Variants in OBSL1 observed in about 807,000 individuals in gnomAD.
OBSL1 encodes obscurin-like protein 1.
OBSL1 carries 160 observed loss-of-function variants against 172.0 expected under a neutral mutation model. The ratio of observed to expected loss-of-function variants is 0.93; its 90% CI spans 0.82 to 1.06. The LOEUF is 1.06. Among genes scored for constraint, OBSL1 ranks in the 50% least tolerant of loss-of-function variants. The pLI is 0.00. For missense variants in OBSL1, 2,681 were observed against 2,715.4 expected (o/e 0.99, Z 0.28); for synonymous variants, 1,200 against 1,196.3 (o/e 1.00, Z -0.06).
intron 6 of OBSL1, among the ~76,000 whole-genome samples, 199 bp downstream of exon 6, chr2:219,565,043 G>A (rs1310993715): frequency 6.6e-6 from 1 of 152,146 alleles, no homozygotes; most frequent in Non-Finnish European, 1.5e-5. Context: ...CTCCAGCCAG[G>A]GCAACAGAGT....
At chr2:219,549,718 G>A (rs1323975909), downstream of OBSL1, 1 of 1,613,672 alleles carries the variant, frequency 6.2e-7, no homozygotes, top group Non-Finnish European at 8.5e-7. Context: ...CCCCCACAGA[G>A]CTATATCCAG....
At position 219,561,944 on chromosome 2, in the gene OBSL1, C is replaced by A. The variant is rs1210538573; in HGVS notation, c.2953+458G>T. The A allele has an allele frequency of 8.4e-6, 6 of 717,510 alleles. No homozygotes were observed. The Admixed American group carries it at 1.2e-4, about 14-fold the overall frequency. The allele number at this position is 717,510 out of a possible 1,614,324, so 44.4% of individuals were successfully genotyped here. The stretch of plus-strand genomic sequence containing the variant: ...AGCGGGACCAGAGCCGCCGGGTCTT[C>A]GGCTTTTTCAAGAGGACGCATAACT... On this transcript the variant is annotated intron_variant, in intron 8 of 20. Transcript: ENST00000404537.
At chr2:219,561,856 T>C (rs761350223) in intron 8 of OBSL1, 79 of 717,014 alleles carry the variant, frequency 1.1e-4, no homozygotes, top group Non-Finnish European at 1.8e-4. Flanking sequence ...GACAGAGGAA[T>C]GTGGGCCCCA....
Position 219,553,566 on chromosome 2 carries a change from G to T in OBSL1, c.4989+8C>A, listed in dbSNP as rs2106013192. ...CTGAAGTGGGCTTGGCTGGGGCTGG[G>T]ATCTGACCTTCTCCCAGGTAACATC... is the stretch of plus-strand genomic sequence containing the variant. On this transcript the variant is annotated splice_region_variant and intron_variant, in intron 16 of 20. Transcript: ENST00000404537. The T allele has an allele frequency of 1.2e-6, 2 of 1,607,336 alleles. No individual in the cohort carries two copies. The highest frequency in any genetic ancestry group is 2.2e-5 in the East Asian group (1 of 44,806).
rs61732788 is a variant in OBSL1, at chr2:219,568,092, C to T, written c.1245G>A (p.Arg415=). The T allele has an allele frequency of 8.4e-4, 1,358 of 1,612,544 alleles. 5 individuals carry two copies. The African/African-American group carries it at 0.01, about 12-fold the overall frequency. The change falls in exon 2 of 21, where the codon CGG becomes CGA. Residue 415 remains arginine, a synonymous_variant. Coordinates refer to ENST00000404537, the MANE Select transcript of OBSL1 (RefSeq NM_015311.3). The surrounding 1 kb of genome is among the most constrained non-coding windows in gnomAD (Gnocchi z 4.1). The part of the protein sequence containing the change: ...DDDGIYLCEM[R]GRVRTVANVT... ...CGTTGGCCACGGTGCGCACCCGGCC[C>T]CGCATCTCGCACAGGTAGATACCAT...
rs1253216841 is a variant in OBSL1, at chr2:219,568,152, C to A, written c.1185G>T (p.Arg395=). The A allele has an allele frequency of 6.2e-7, 1 of 1,613,694 alleles. No homozygotes were observed. Among genetic ancestry groups the A allele is most frequent in the Non-Finnish European group, 8.5e-7 (1 of 1,179,906 alleles). The change falls in exon 2 of 21, where the codon CGG becomes CGT. Residue 395 remains arginine (R), a synonymous_variant. Transcript: ENST00000404537. This position sits in a 1 kb window ranked among gnomAD's most constrained non-coding sequence, Gnocchi z 4.1. The part of the protein sequence containing the change: ...KYEQIEEGTV[R]RLIIHRLKAD... ...CCTTCAGCCTGTGGATGATGAGGCG[C>A]CGGACAGTGCCCTCTTCGATCTGCT...
chr2:219,567,061 A>T lies in OBSL1; in HGVS notation c.1903T>A (p.Phe635Ile). 6.2e-7 allele frequency: 1 copy of T among 1,613,328 alleles called. No homozygotes were observed. The highest frequency in any genetic ancestry group is 1.1e-5 in the South Asian group (1 of 91,020). ...VQVYDGEDAV[F>I]SLDLSTIIQG... ...ATGATGGTGGAGAGATCGAGGGAGAAGACGGCATCTTCCCCGTCGTATACC... is the reference window on the plus strand; with the variant it reads ...ATGATGGTGGAGAGATCGAGGGAGATGACGGCATCTTCCCCGTCGTATACC... The change falls in exon 5 of 21, where the codon TTC becomes ATC. Residue 635 changes from phenylalanine to isoleucine, a missense_variant. Coordinates refer to ENST00000404537, the MANE Select transcript of OBSL1 (RefSeq NM_015311.3).
At position 219,562,640 on chromosome 2, in the gene OBSL1, C is replaced by T. The variant is rs777459986; in HGVS notation, c.2715G>A (p.Lys905=). The T allele has an allele frequency of 1.9e-6, 3 of 1,572,758 alleles. No homozygotes were observed. Among genetic ancestry groups the T allele is most frequent in the African/African-American group, 2.7e-5 (2 of 73,916 alleles). The change falls in exon 8 of 21, where the codon AAG becomes AAA. Residue 905 remains lysine (K), a synonymous_variant. Transcript: ENST00000404537. The stretch of plus-strand genomic sequence containing the variant: ...CCAGGCGCACGGCTGCCACATACAC[C>T]TTGCCGCTGGGATACACGATCCACG... ...VSSWIVYPSG[K]VYVAAVRLER...
In OBSL1 at chr2:219,570,502, AC is replaced by A. The variant is rs751075892; in HGVS notation, c.730del (p.Val244TrpfsTer14). 6.2e-7 allele frequency: 1 copy of A among 1,610,850 alleles called. No individual in the cohort carries two copies. Among genetic ancestry groups the A allele is most frequent in the Non-Finnish European group, 8.5e-7 (1 of 1,179,052 alleles). ...PADPDEAPAP[V>X]VEPLKCAPKT... ...AGGCGCGCACTTGAGCGGCTCCACC[AC>A]CGGCGCGGGGGCCTCGTCGGGGTCC... On this transcript the variant is annotated frameshift_variant, in exon 1 of 21. Transcript: ENST00000404537. LOFTEE classifies it high-confidence loss of function.
At chr2:219,550,727 A>G, downstream of OBSL1, 1 of 1,442,768 alleles carries the variant, frequency 6.9e-7, no homozygotes, top group Admixed American at 2.0e-5. Context: ...AGGCAAGGAA[A>G]TGAGCTGTAG....
Position 219,570,568 on chromosome 2 carries a change from G to A in OBSL1, c.665C>T (p.Ala222Val). The change falls in exon 1 of 21, where the codon GCG becomes GTG. Residue 222 changes from alanine (A) to valine (V), a missense_variant. Ala to Val is a moderately conservative substitution (Grantham distance 64). Coordinates refer to ENST00000404537, the MANE Select transcript of OBSL1 (RefSeq NM_015311.3). ...GGGGGGCTGGTGCACCTGGAGCAGC[G>A]CCCCCGCCTGCGCGTGGCCGTGCGC... ...RNAHGHAQAG[A>V]LLQVHQPPES... The A allele has an allele frequency of 1.3e-6, 2 of 1,531,878 alleles. No homozygotes were observed. Among genetic ancestry groups the A allele is most frequent in the Non-Finnish European group, 1.7e-6 (2 of 1,143,432 alleles). The allele number at this position is 1,531,878 out of a possible 1,614,324, so 94.9% of individuals were successfully genotyped here.
intron 4 of OBSL1, 50 bp from the exon 5 acceptor site, chr2:219,567,176 G>C: frequency 6.3e-7 from 1 of 1,585,640 alleles, no homozygotes. Flanking sequence ...TGTGGCAGAG[G>C]GCAGAGGCTG....
chr2:219,553,131 C>A, intron 16 of OBSL1, 107 bp from the exon 17 acceptor site: 2 of 1,344,080 alleles, frequency 1.5e-6, no homozygotes, highest in Non-Finnish European at 1.9e-6. Flanking sequence ...TCTCGAGGCG[C>A]GTTTATGCGT....
rs759809144 is a variant in OBSL1 at position 219,557,786 on chromosome 2, GTGCCACTCTCAGGCTTAA to G, written c.3790+19_3790+36del. On this transcript the variant is annotated intron_variant, in intron 11 of 20. Transcript: ENST00000404537. ...GTTTGGGGTGCCACTCTCAGGCTTG[GTGCCACTCTCAGGCTTAA>G]TGCCCAGGCTGTACTCACCAGCCAC... 1 of 1,569,460 alleles carries G rather than the reference GTGCCACTCTCAGGCTTAA, an allele frequency of 6.4e-7. No homozygotes were observed. The highest frequency in any genetic ancestry group is 1.9e-5 in the Admixed American group (1 of 52,226).
downstream of OBSL1, chr2:219,547,526 G>A: frequency 6.9e-7 from 1 of 1,451,670 alleles, no homozygotes. Flanking sequence ...CTTCAAGGCA[G>A]TGCTCTTTCT....
intron 16 of OBSL1, 99 bp downstream of exon 16, chr2:219,553,462 TCTTAGCACAGTGC>T: frequency 1.2e-6 from 1 of 824,826 alleles, no homozygotes; most frequent in South Asian, 1.5e-5. Flanking sequence ...ATAATGCAAA[TCTTAGCACAGTGC>T]CAGGCACATC....
rs775618668 is a variant in OBSL1, at chr2:219,570,675, G to A, written c.558C>T (p.Asp186=). The change falls in exon 1 of 21, where the codon GAC becomes GAT. Residue 186 remains aspartate (D), a synonymous_variant. Transcript: ENST00000404537. ...GCAGTGCCAGGCTCGCGCCGGGGCC[G>A]TCCTCGGCGCGGCCCGGCTGGAGCG... ...HFALQPGRAE[D]GPGASLALRI... The A allele has an allele frequency of 7.3e-6, 11 of 1,507,740 alleles. No individual in the cohort carries two copies. The highest frequency in any genetic ancestry group is 2.1e-5 in the Admixed American group (1 of 47,762). 93.4% of individuals were successfully genotyped at this position (1,507,740 alleles called of 1,614,324 possible).
In OBSL1 at chr2:219,567,925, C is replaced by A. The variant is rs1470248074; in HGVS notation, c.1327G>T (p.Gly443Ter). Reference sequence around the variant, plus strand: ...TCCACTAGCAGCACAGCATTCTCTCCTTCCAGGACGTCGAGCTTCCGGGGC... The same window carrying A: ...TCCACTAGCAGCACAGCATTCTCTCATTCCAGGACGTCGAGCTTCCGGGGC... ...RLPRKLDVLE[G>*]ENAVLLVETL... Residue 443 changes from glycine (G) to a stop codon, truncating the protein, a stop_gained, in exon 3 of 21, where the codon GGA (glycine) becomes TGA (stop). Transcript: ENST00000404537. LOFTEE classifies it high-confidence loss of function. 1.9e-6 allele frequency: 3 copies of A among 1,613,792 alleles called. No homozygotes were observed. Among genetic ancestry groups the A allele is most frequent in the Non-Finnish European group, 2.5e-6 (3 of 1,179,902 alleles).
chr2:219,557,396 T>A lies in OBSL1; in HGVS notation c.4013A>T (p.Glu1338Val), dbSNP rs1696099194. ...VQGARSGDAG[E>V]YLCDAPQDSR... ...GTCCTGGGGCGCATCGCACAGGTACTCCCCAGCGTCCCCGCTCCGTGCCCC... is the reference window on the plus strand; with the variant it reads ...GTCCTGGGGCGCATCGCACAGGTACACCCCAGCGTCCCCGCTCCGTGCCCC... Residue 1338 changes from glutamate (E) to valine (V), a missense_variant, in exon 12 of 21, where the codon GAG (glutamate) becomes GTG (valine). Transcript: ENST00000404537. 1 of 1,542,674 alleles carries A rather than the reference T, an allele frequency of 6.5e-7. No individual in the cohort carries two copies. Among genetic ancestry groups the A allele is most frequent in the Non-Finnish European group, 8.7e-7 (1 of 1,143,214 alleles).
Sources: allele counts gnomAD v4.1 joint callset (sites outside exome capture counted in the v4.1 genomes callset), GRCh38; gene constraint gnomAD v4.1.1; non-coding constraint Gnocchi (gnomAD v3.1); transcripts MANE v1.5; gene names NCBI Gene and HGNC (gene_info 2026-07-23, HGNC 2026-07-21).